PFKFB3: variants seen among roughly 807,000 people sequenced by gnomAD.
PFKFB3 encodes the protein 6-phosphofructo-2-kinase/fructose-2,6-biphosphatase 3.
Under a neutral mutation model 68.0 loss-of-function variants are expected in PFKFB3, and 33 were observed. The ratio of observed to expected loss-of-function variants is 0.49; its 90% CI spans 0.37 to 0.65. The LOEUF (loss-of-function observed/expected upper bound fraction) is 0.65. Ranked by LOEUF, PFKFB3 falls within the 30% of genes least tolerant of loss-of-function variation. PFKFB3 has a pLI of 0.00. For synonymous variants in PFKFB3, 315 were observed against 288.2 expected (o/e 1.09, Z -0.94); for missense variants, 586 against 712.2 (o/e 0.82, Z 2.02).
intron 1 of PFKFB3, among the ~76,000 whole-genome samples, chr10:6,170,616 A>C (rs977226686): frequency 6.6e-6 from 1 of 152,224 alleles, no homozygotes; most frequent in African/African-American, 2.4e-5. Flanking sequence ...TTGAGGTGCA[A>C]ATGGAAAGAC....
the PFKFB3 span, among the ~76,000 whole-genome samples, chr10:6,263,755 G>A: frequency 2.6e-5 from 4 of 152,128 alleles, no homozygotes; most frequent in East Asian, 1.9e-4. Flanking sequence ...GTGCAATCTC[G>A]GCTCACTGCA....
chr10:6,298,667 T>C, the PFKFB3 span, among the ~76,000 whole-genome samples: 1 of 152,176 alleles, frequency 6.6e-6, no homozygotes, highest in Non-Finnish European at 1.5e-5. Context: ...CACTTGGCCT[T>C]GTTCAGTGCA....
chr10:6,256,667 G>A (rs754867991), downstream of PFKFB3, among the ~76,000 whole-genome samples: 105 of 152,208 alleles, frequency 6.9e-4, no homozygotes, highest in Non-Finnish European at 1.3e-3. Context: ...TGTATTTAAC[G>A]TGACGAAGCT....
intron 1 of PFKFB3, among the ~76,000 whole-genome samples, chr10:6,177,715 A>G (rs956798708): frequency 3.3e-5 from 5 of 151,474 alleles, no homozygotes; most frequent in African/African-American, 4.8e-5. Flanking sequence ...TTTAGTAGAG[A>G]CGGGGTTTCA....
Position 6,220,737 on chromosome 10 carries a change from A to G in PFKFB3, c.703A>G (p.Ile235Val), listed in dbSNP as rs752636577. The G allele has an allele frequency of 6.2e-7, 1 of 1,613,962 alleles. No homozygotes were observed. The highest frequency in any genetic ancestry group is 1.1e-5 in the South Asian group (1 of 91,074). Reference protein sequence around the residue: ...NRVQDHIQSRIVYYLMNIHVQ... With the variant: ...NRVQDHIQSRVVYYLMNIHVQ... ...GGTGCAGGACCACATCCAGAGCCGC[A>G]TCGTGTACTACCTGATGAACATCCA... Residue 235 changes from isoleucine (I) to valine (V), a missense_variant, in exon 8 of 15, where the codon ATC becomes GTC. By Grantham distance (29) the Ile-to-Val change is conservative. Transcript: ENST00000379775. This position sits in a 1 kb window ranked among gnomAD's most constrained non-coding sequence, Gnocchi z 4.1.
the PFKFB3 span, among the ~76,000 whole-genome samples, chr10:6,302,452 G>A: frequency 7.6e-6 from 1 of 131,450 alleles, no homozygotes. Context: ...TGCAACCTTG[G>A]CTCACTGCAA....
chr10:6,320,139 T>C, the PFKFB3 span, among the ~76,000 whole-genome samples: 1 of 152,166 alleles, frequency 6.6e-6, no homozygotes, highest in African/African-American at 2.4e-5. Context: ...AGGTTGAGGC[T>C]ACAGTGAGCT....
intron 1 of PFKFB3, among the ~76,000 whole-genome samples, chr10:6,208,881 G>A (rs1843973556): frequency 6.6e-6 from 1 of 152,192 alleles, no homozygotes; most frequent in Non-Finnish European, 1.5e-5. Flanking sequence ...TCACCAGCCA[G>A]CCTTCAGTTT....
chr10:6,187,980 C>CTATCTATCTATCT (rs1564606840), intron 1 of PFKFB3, among the ~76,000 whole-genome samples: 115 of 82,760 alleles, frequency 1.4e-3, no homozygotes, highest in African/African-American at 7.3e-3. Context: ...TCTATCTATC[C>CTATCTATCTATCT]ATCCATCCAT....
chr10:6,288,193 C>CT, the PFKFB3 span, among the ~76,000 whole-genome samples: 3,501 of 133,362 alleles, frequency 0.026, 124 homozygotes, highest in African/African-American at 0.085. Flanking sequence ...TGGCTTCTTT[C>CT]TTTTTTTTTT....
the PFKFB3 span, among the ~76,000 whole-genome samples, chr10:6,284,800 C>G: frequency 2.6e-5 from 4 of 152,162 alleles, no homozygotes; most frequent in Non-Finnish European, 5.9e-5. Flanking sequence ...TATAAATTTC[C>G]TATTCTAGCT....
chr10:6,325,827 C>T, the PFKFB3 span, among the ~76,000 whole-genome samples: 1 of 152,062 alleles, frequency 6.6e-6, no homozygotes, highest in Non-Finnish European at 1.5e-5. Context: ...TATAGTAACC[C>T]CCAAAGAGAT....
the PFKFB3 span, chr10:6,293,011 C>T: frequency 3.5e-6 from 1 of 285,788 alleles, no homozygotes. Flanking sequence ...CAATTGCTGG[C>T]CCCAGAAAGC....
the PFKFB3 span, among the ~76,000 whole-genome samples, chr10:6,269,025 A>C: frequency 1.0e-4 from 2 of 19,716 alleles, no homozygotes; most frequent in Non-Finnish European, 4.8e-4. Context: ...TCCTGTCTCA[A>C]AAAAAAAAAA....
intron 1 of PFKFB3, among the ~76,000 whole-genome samples, chr10:6,186,583 G>A (rs749080159): frequency 6.6e-6 from 1 of 152,220 alleles, no homozygotes; most frequent in Non-Finnish European, 1.5e-5. Context: ...ATGGCACTGT[G>A]TATGTGGATT....
chr10:6,207,294 C>T (rs1016507027), intron 1 of PFKFB3, among the ~76,000 whole-genome samples: 3 of 152,214 alleles, frequency 2.0e-5, no homozygotes, highest in Non-Finnish European at 4.4e-5. Context: ...GAAAACCAGT[C>T]AGGCGTGGCG....
At chr10:6,268,832 G>C in the PFKFB3 span, among the ~76,000 whole-genome samples, 1 of 151,468 alleles carries the variant, frequency 6.6e-6, no homozygotes, top group East Asian at 1.9e-4. Flanking sequence ...GACCAGCCTA[G>C]GCAACTTGGC....
chr10:6,155,977 A>C (rs1214953392), intron 1 of PFKFB3, among the ~76,000 whole-genome samples: 2 of 152,120 alleles, frequency 1.3e-5, no homozygotes, highest in East Asian at 3.8e-4. Context: ...CATAGCGAAC[A>C]TCCTACCCAA....
intron 14 of PFKFB3, among the ~76,000 whole-genome samples, chr10:6,244,345 C>A (rs1188546514): frequency 6.6e-6 from 1 of 152,162 alleles, no homozygotes; most frequent in Non-Finnish European, 1.5e-5. Flanking sequence ...GCAGCTTAAC[C>A]ACCACAGGCT....
Sources: gnomAD v4.1 joint callset for allele counts (sites outside exome capture counted in the v4.1 genomes callset) on GRCh38, gnomAD v4.1.1 for gene constraint, Gnocchi (gnomAD v3.1) non-coding constraint, MANE v1.5 for transcripts, NCBI Gene and HGNC (gene_info 2026-07-23, HGNC 2026-07-21) for gene names.